The following CASP10 variants were observed in gnomAD, a reference collection of about 807,000 sequenced individuals.
CASP10 encodes the protein caspase 10.
Under a neutral mutation model 48.5 loss-of-function variants are expected in CASP10, and 41 were observed. The ratio of observed to expected loss-of-function variants is 0.85; its 90% CI spans 0.66 to 1.10. The LOEUF is 1.10. Among genes scored for constraint, CASP10 ranks in the 50% least tolerant of loss-of-function variants. The probability of loss-of-function intolerance (pLI) is 0.00; values close to 1 mark genes in which losing one functional copy is unlikely to be tolerated. For synonymous variants in CASP10, 232 were observed against 238.4 expected (o/e 0.97, Z 0.25); for missense variants, 614 against 614.5 (o/e 1.00, Z 0.01).
intron 9 of CASP10, among the ~76,000 whole-genome samples, chr2:201,215,458 A>AT (rs1333138011): frequency 1.3e-5 from 2 of 151,604 alleles, no homozygotes; most frequent in Non-Finnish European, 2.9e-5. Flanking sequence ...GGTTAGTCTC[A>AT]TTTTTCTGTG....
chr2:201,192,394 AAATAATAAT>A (rs35491925), intron 3 of CASP10, among the ~76,000 whole-genome samples: 87 of 148,986 alleles, frequency 5.8e-4, no homozygotes, highest in East Asian at 3.7e-3. Flanking sequence ...CTCCATCTCA[AAATAATAAT>A]AATAATAATA....
chr2:201,225,778 C>G (rs1204701648), downstream of CASP10, among the ~76,000 whole-genome samples: 2 of 152,134 alleles, frequency 1.3e-5, no homozygotes. Context: ...TCAAGACCAG[C>G]CTGGCCAACT....
Position 201,220,321 on chromosome 2 carries a change from A to T in CASP10, c.*2580A>T. 4.2e-4 allele frequency: 53 copies of T among 125,964 alleles called. No individual in the cohort carries two copies. The highest frequency in any genetic ancestry group is 3.7e-3 in the Middle Eastern group (1 of 270). The allele number at this position is 125,964 out of a possible 1,614,324, so 7.8% of individuals were successfully genotyped here. The stretch of plus-strand genomic sequence containing the variant: ...TACAGATAAGACAGCTCTGGCATAG[A>T]GGGAGGTGGGGGGGTGGGGGAAGTC... On this transcript the variant is annotated 3_prime_UTR_variant, in exon 10 of 10. Coordinates refer to ENST00000286186, the MANE Select transcript of CASP10 (RefSeq NM_032977.4).
Position 201,221,390 on chromosome 2 carries a change from C to A in CASP10, c.*3649C>A. 1.7e-6 allele frequency: 1 copy of A among 588,358 alleles called. No individual in the cohort carries two copies. Among genetic ancestry groups the A allele is most frequent in the Non-Finnish European group, 2.1e-6 (1 of 467,238 alleles). The allele number at this position is 588,358 out of a possible 1,614,324, so 36.4% of individuals were successfully genotyped here. A position where few individuals can be genotyped will look rare whatever the true frequency, so the allele number is the denominator to read the frequency against. Reference sequence around the variant, plus strand: ...AGATGGCCTGAAGTAACTGAAGAATCACAAAAGAAGTGAAAATGGCCTGTT... The same window carrying A: ...AGATGGCCTGAAGTAACTGAAGAATAACAAAAGAAGTGAAAATGGCCTGTT... On this transcript the variant is annotated 3_prime_UTR_variant, in exon 10 of 10. Transcript: ENST00000286186.
chr2:201,209,908 A>G (rs1945340797), intron 9 of CASP10, among the ~76,000 whole-genome samples: 1 of 152,238 alleles, frequency 6.6e-6, no homozygotes, highest in South Asian at 2.1e-4. Flanking sequence ...AGAGGGATAG[A>G]CAAACAAATA....
In CASP10 at chr2:201,187,800, G is replaced by A; in HGVS notation, c.441+1G>A. 6.2e-7 allele frequency: 1 copy of A among 1,608,640 alleles called. No homozygotes were observed. The highest frequency in any genetic ancestry group is 8.5e-7 in the Non-Finnish European group (1 of 1,175,018). ...AGACTCGCTTCCCAAAACTGAAATG[G>A]TGAGTGGGTCATACAGAATGGGTCT... On this transcript the variant is annotated splice_donor_variant, in intron 3 of 9. Transcript: ENST00000286186. LOFTEE classifies it high-confidence loss of function.
chr2:201,194,646 C>A (rs1408288710), intron 4 of CASP10, among the ~76,000 whole-genome samples: 5 of 152,022 alleles, frequency 3.3e-5, no homozygotes, highest in Non-Finnish European at 5.9e-5. Flanking sequence ...TCTGTAATGC[C>A]ATATCCCATA....
rs766687931 is a variant in CASP10, at chr2:201,195,822, G to A, written c.578-20G>A. Reference sequence around the variant, plus strand: ...GTCAGAAGGTGATTTTTATTTTTCTGTCTGTGATTTTATTTTCAGCTATCC... The same window carrying A: ...GTCAGAAGGTGATTTTTATTTTTCTATCTGTGATTTTATTTTCAGCTATCC... On this transcript the variant is annotated intron_variant, in intron 4 of 9. Coordinates refer to ENST00000286186, the MANE Select transcript of CASP10 (RefSeq NM_032977.4). 8.9e-6 allele frequency: 14 copies of A among 1,576,798 alleles called. No homozygotes were observed. Among genetic ancestry groups the A allele is most frequent in the Non-Finnish European group, 1.2e-5 (14 of 1,146,318 alleles).
intron 5 of CASP10, among the ~76,000 whole-genome samples, chr2:201,198,977 T>C (rs1944914566): frequency 6.6e-6 from 1 of 152,234 alleles, no homozygotes; most frequent in Non-Finnish European, 1.5e-5. Context: ...ATATAAAGAA[T>C]ACCTATGTAC....
At chr2:201,198,405 A>T (rs1944881703) in intron 5 of CASP10, among the ~76,000 whole-genome samples, 2 of 151,106 alleles carry the variant, frequency 1.3e-5, no homozygotes, top group Non-Finnish European at 3.0e-5. Flanking sequence ...TGTATTTTTT[A>T]ATAGAGACAG....
At chr2:201,188,856 A>G (rs1944505522) in intron 3 of CASP10, among the ~76,000 whole-genome samples, 1 of 151,822 alleles carries the variant, frequency 6.6e-6, no homozygotes, top group Non-Finnish European at 1.5e-5. Flanking sequence ...GGGGTTGCAA[A>G]AATGGAGATA....
At chr2:201,224,676 T>C (rs1294170624), downstream of CASP10, among the ~76,000 whole-genome samples, 1 of 152,226 alleles carries the variant, frequency 6.6e-6, no homozygotes, top group Non-Finnish European at 1.5e-5. Flanking sequence ...GTAGGTCTCA[T>C]TTTAAGTGAT....
intron 7 of CASP10, 94 bp from the exon 8 acceptor site, chr2:201,207,981 C>T (rs1016138452): frequency 2.3e-5 from 19 of 834,078 alleles, no homozygotes; most frequent in Non-Finnish European, 3.8e-5. Flanking sequence ...ACATCCTGCT[C>T]TTCCTCACAG....
chr2:201,206,977 T>C (rs1945228560), intron 7 of CASP10, among the ~76,000 whole-genome samples: 1 of 152,188 alleles, frequency 6.6e-6, no homozygotes, highest in African/African-American at 2.4e-5. Flanking sequence ...ACTGTCATGA[T>C]TGAGCTTCTC....
Position 201,227,849 on chromosome 2 carries a change from G to A in CASP10, c.1416-1084G>A, listed in dbSNP as rs1249263718. On this transcript the variant is annotated intron_variant, in intron 9 of 9. Transcript: ENST00000272879. ...GCTGGGATTACAGGTGTGAGCCACC[G>A]CGCCCGGCCCCCAAACCGGTTTCTA... Among the ~76,000 whole-genome samples, 6 of 151,196 alleles carry A rather than the reference G, an allele frequency of 4.0e-5. No homozygotes were observed. The East Asian group carries it at 5.9e-4, about 15-fold the overall frequency.
exon 10 of CASP10, chr2:201,229,262 C>G: frequency 3.0e-6 from 2 of 677,298 alleles, no homozygotes; most frequent in Non-Finnish European, 5.1e-6. Flanking sequence ...GTACCTGTGT[C>G]ATCTTTCTTG....
At chr2:201,208,384 T>A (rs1945279695) in intron 8 of CASP10, 7 of 985,184 alleles carry the variant, frequency 7.1e-6, no homozygotes, top group Non-Finnish European at 7.2e-6. Context: ...CAATTCTGAA[T>A]AGAGGAGAGC....
At chr2:201,186,149 TGGGAGGA>T in intron 2 of CASP10, 25 bp downstream of exon 2, 1 of 1,539,976 alleles carries the variant, frequency 6.5e-7, no homozygotes, top group Non-Finnish European at 9.0e-7. Context: ...GTGGTGGAGA[TGGGAGGA>T]TCTCCCATCT....
At chr2:201,191,820 C>T (rs1257505448) in intron 3 of CASP10, among the ~76,000 whole-genome samples, 3 of 152,140 alleles carry the variant, frequency 2.0e-5, no homozygotes, top group South Asian at 2.1e-4. Flanking sequence ...TCAGGAAATC[C>T]GTTCTCAGCA....
Sources: allele counts gnomAD v4.1 joint callset (sites outside exome capture counted in the v4.1 genomes callset), GRCh38; gene constraint gnomAD v4.1.1; transcripts MANE v1.5; gene names NCBI Gene and HGNC (gene_info 2026-07-23, HGNC 2026-07-21).